CYRIB: variants seen among roughly 807,000 people sequenced by gnomAD.
CYRIB encodes the protein CYFIP related Rac1 interactor B.
In CYRIB, 8 loss-of-function variants were observed where a neutral mutation model predicts 44.2. The ratio of observed to expected loss-of-function variants is 0.18; its 90% confidence interval spans 0.11 to 0.33. The LOEUF (loss-of-function observed/expected upper bound fraction) is 0.33, where lower values mean the gene tolerates loss of function less well. Among genes scored for constraint, CYRIB ranks in the 10% least tolerant of loss-of-function variants. The pLI is 1.00. For missense variants in CYRIB, 185 were observed against 382.8 expected, an observed-to-expected ratio of 0.48 and a Z score of 4.31; for synonymous variants, 131 against 127.2, an observed-to-expected ratio of 1.03 and a Z score of -0.20.
At chr8:129,942,212 G>C (rs1460613327), upstream of CYRIB, among the ~76,000 whole-genome samples, 1 of 152,104 alleles carries the variant, frequency 6.6e-6, no homozygotes, top group Non-Finnish European at 1.5e-5. Context: ...GGTGGCAGGC[G>C]CCTGTAATCC....
rs536045904 is a variant in CYRIB, at chr8:129,988,184, C to T, written c.-295-17189G>A. Among the ~76,000 whole-genome samples, 19 of 152,316 alleles carry T rather than the reference C, an allele frequency of 1.2e-4. No individual in the cohort carries two copies. The South Asian group carries it at 3.7e-3, about 30-fold the overall frequency. On this transcript the variant is annotated intron_variant, in intron 1 of 14. Transcript: ENST00000401979. The stretch of plus-strand genomic sequence containing the variant: ...GTCTCCTAGTCGTACGAAACTGCTA[C>T]GTGATACCCGGATGGCCTCTTTCTC...
At chr8:129,994,276 G>A (rs1410439704) in intron 1 of CYRIB, among the ~76,000 whole-genome samples, 1 of 151,966 alleles carries the variant, frequency 6.6e-6, no homozygotes, top group African/African-American at 2.4e-5. Context: ...AGCTGGGGGG[G>A]GTGGCATGGA....
At chr8:129,998,692 C>T (rs1207269202) in intron 1 of CYRIB, among the ~76,000 whole-genome samples, 1 of 151,340 alleles carries the variant, frequency 6.6e-6, no homozygotes, top group Non-Finnish European at 1.5e-5. Flanking sequence ...AGTGCAGTGG[C>T]ATGATCTCAG....
intron 1 of CYRIB, among the ~76,000 whole-genome samples, chr8:130,005,230 G>A (rs951779114): frequency 2.0e-5 from 3 of 152,096 alleles, no homozygotes; most frequent in African/African-American, 7.2e-5. Context: ...TTTAGGTCTT[G>A]GGGGCACGTG....
chr8:129,950,101 A>G (rs957094646), intron 2 of CYRIB, among the ~76,000 whole-genome samples: 1 of 152,064 alleles, frequency 6.6e-6, no homozygotes, highest in Admixed American at 6.6e-5. Context: ...GTACCTGATT[A>G]TCTTGGCTTT....
chr8:129,941,273 ATT>A (rs11418510), upstream of CYRIB, among the ~76,000 whole-genome samples: 28 of 125,838 alleles, frequency 2.2e-4, no homozygotes, highest in African/African-American at 2.5e-4. Flanking sequence ...ACTGAAGGAG[ATT>A]TTTTTTTTTT....
At chr8:129,957,947 A>G (rs1405847096) in intron 2 of CYRIB, among the ~76,000 whole-genome samples, 2 of 148,612 alleles carry the variant, frequency 1.3e-5, no homozygotes, top group South Asian at 2.2e-4. Flanking sequence ...CCTGGGCGAC[A>G]GAACGAGACT....
intron 2 of CYRIB, among the ~76,000 whole-genome samples, chr8:129,885,743 T>C (rs1476829031): frequency 6.6e-6 from 1 of 152,056 alleles, no homozygotes; most frequent in South Asian, 2.1e-4. Context: ...CAACCTGAAG[T>C]GCAGCCTCAG....
chr8:129,954,868 G>A (rs748449968), intron 2 of CYRIB, among the ~76,000 whole-genome samples: 1 of 152,160 alleles, frequency 6.6e-6, no homozygotes, highest in Admixed American at 6.5e-5. Flanking sequence ...TGATCTTTCA[G>A]GGTAAAAGTA....
At chr8:129,940,784 C>A (rs1450807922), upstream of CYRIB, among the ~76,000 whole-genome samples, 1 of 152,086 alleles carries the variant, frequency 6.6e-6, no homozygotes, top group African/African-American at 2.4e-5. Flanking sequence ...TGATTATGAA[C>A]ATTTTGCAGT....
intron 1 of CYRIB, among the ~76,000 whole-genome samples, chr8:130,013,690 C>T (rs2097277898): frequency 6.6e-6 from 1 of 152,188 alleles, no homozygotes; most frequent in Non-Finnish European, 1.5e-5. Flanking sequence ...ACCCGCGTCC[C>T]TCGGGCGTCC....
intron 2 of CYRIB, among the ~76,000 whole-genome samples, chr8:129,887,673 A>C (rs978451307): frequency 1.3e-5 from 2 of 152,354 alleles, no homozygotes; most frequent in African/African-American, 4.8e-5. Flanking sequence ...AAAAGGCATT[A>C]GGAGCCCACC....
At chr8:129,840,329 A>G (rs553692699) in exon 12 of CYRIB, 7 of 152,218 alleles carry the variant, frequency 4.6e-5, no homozygotes, top group African/African-American at 1.7e-4. Flanking sequence ...CATTGCTCTA[A>G]TCTCTGCCTC....
At chr8:129,996,066 G>A (rs772524826) in intron 1 of CYRIB, among the ~76,000 whole-genome samples, 6 of 152,092 alleles carry the variant, frequency 3.9e-5, no homozygotes, top group South Asian at 2.1e-4. Context: ...TAATACCAGC[G>A]CTTACCATTT....
At chr8:129,987,750 T>C (rs1372433964) in intron 1 of CYRIB, among the ~76,000 whole-genome samples, 1 of 151,940 alleles carries the variant, frequency 6.6e-6, no homozygotes, top group Non-Finnish European at 1.5e-5. Context: ...TTTTGTATTT[T>C]GAGAAGAGAT....
At chr8:129,951,693 G>A (rs1257731203) in intron 2 of CYRIB, among the ~76,000 whole-genome samples, 4 of 139,700 alleles carry the variant, frequency 2.9e-5, no homozygotes, top group East Asian at 2.1e-4. Flanking sequence ...GTAACAGAGC[G>A]AGACTCCATC....
At chr8:129,871,025 C>T (rs1470049464) in intron 4 of CYRIB, among the ~76,000 whole-genome samples, 1 of 152,146 alleles carries the variant, frequency 6.6e-6, no homozygotes, top group Non-Finnish European at 1.5e-5. Context: ...GGAGACCACA[C>T]TACATATTTT....
At chr8:129,978,558 G>A (rs1355537514) in intron 1 of CYRIB, among the ~76,000 whole-genome samples, 1 of 152,198 alleles carries the variant, frequency 6.6e-6, no homozygotes, top group African/African-American at 2.4e-5. Context: ...TACATTTGGA[G>A]GAATCCTCCC....
At chr8:129,970,754 CAT>C (rs1373225141) in intron 2 of CYRIB, 187 bp downstream of exon 2, 1 of 152,090 alleles carries the variant, frequency 6.6e-6, no homozygotes, top group African/African-American at 2.4e-5. Flanking sequence ...AATGAATATT[CAT>C]AGAGTGAATG....
Sources: allele counts gnomAD v4.1 joint callset (sites outside exome capture counted in the v4.1 genomes callset), GRCh38; gene constraint gnomAD v4.1.1; transcripts MANE v1.5; gene names NCBI Gene and HGNC (gene_info 2026-07-23, HGNC 2026-07-21).